Variants in TRIO observed in about 807,000 individuals in gnomAD.
The protein encoded by TRIO is trio Rho guanine nucleotide exchange factor.
TRIO carries 58 observed loss-of-function variants against 351.9 expected under a neutral mutation model. The ratio of observed to expected loss-of-function variants is 0.16; its 90% CI spans 0.13 to 0.21. The LOEUF is 0.21. TRIO is among the 10% of genes least tolerant of loss of function. TRIO has a pLI of 1.00. For missense variants in TRIO, 3,201 were observed against 4,027.8 expected, an observed-to-expected ratio of 0.79 and a Z score of 5.56; for synonymous variants, 1,758 against 1,595.7, an observed-to-expected ratio of 1.10 and a Z score of -2.42.
chr5:14,147,888 A>C (rs185464066), intron 1 of TRIO, among the ~76,000 whole-genome samples: 3 of 152,224 alleles, frequency 2.0e-5, no homozygotes, highest in Non-Finnish European at 4.4e-5. Context: ...GTTACCCTCA[A>C]TATTTCAAAA....
intron 1 of TRIO, among the ~76,000 whole-genome samples, chr5:14,175,487 A>G (rs188378454): frequency 8.5e-5 from 13 of 152,288 alleles, no homozygotes; most frequent in Non-Finnish European, 1.6e-4. Context: ...CTTTGGAGCT[A>G]AAGATTCTAG....
chr5:14,468,325 G>C (rs1286576168), intron 37 of TRIO, among the ~76,000 whole-genome samples: 1 of 152,250 alleles, frequency 6.6e-6, no homozygotes, highest in Non-Finnish European at 1.5e-5. Flanking sequence ...AGATAGACTT[G>C]GGTTCACAGT....
intron 34 of TRIO, among the ~76,000 whole-genome samples, chr5:14,432,201 TATC>T (rs753477634): frequency 2.7e-4 from 41 of 152,282 alleles, no homozygotes; most frequent in Admixed American, 7.2e-4. Context: ...CATACACCAT[TATC>T]ATCCCCATTT....
At chr5:14,290,328 C>A (rs1581539910) in intron 4 of TRIO, among the ~76,000 whole-genome samples, 1 of 152,346 alleles carries the variant, frequency 6.6e-6, no homozygotes, top group East Asian at 1.9e-4. Context: ...GAGAAGAATG[C>A]ATTGATGTAA....
Position 14,487,110 on chromosome 5 carries a change from C to G in TRIO, c.6836-354C>G, listed in dbSNP as rs1031967099. 5.9e-5 allele frequency among the ~76,000 whole-genome samples: 9 copies of G among 152,090 alleles called. No individual in the cohort carries two copies. In the East Asian group the frequency reaches 1.5e-3, roughly 26 times the overall value. ...TCTATGAAACCGCCTCCACGGCAGC[C>G]CCAGGGTTTCTTTTTCACCCCAGGA... On this transcript the variant is annotated intron_variant, in intron 47 of 56. Transcript: ENST00000344204.
intron 10 of TRIO, among the ~76,000 whole-genome samples, chr5:14,331,513 A>G (rs1027013695): frequency 6.6e-6 from 1 of 152,168 alleles, no homozygotes; most frequent in African/African-American, 2.4e-5. Flanking sequence ...GAAGTGGTGA[A>G]ATGTTATGGT....
intron 1 of TRIO, among the ~76,000 whole-genome samples, chr5:14,166,653 C>G (rs1222775160): frequency 2.6e-5 from 4 of 152,158 alleles, no homozygotes; most frequent in African/African-American, 9.7e-5. Flanking sequence ...AAAGCAAGAA[C>G]AAGCGCTTGC....
chr5:14,381,065 C>T lies in TRIO; in HGVS notation c.3448-65C>T, dbSNP rs247137. 428,446 of 1,542,610 alleles carry T rather than the reference C, an allele frequency of 0.28. 60,791 individuals carry two copies. Among genetic ancestry groups the T allele is most frequent in the Middle Eastern group, 0.35 (2,024 of 5,726 alleles). ...TGATTTGACCTTTAAATGAGGTGCT[C>T]GGGGCTTTGGGCTCCTCTCAGGAAT... On this transcript the variant is annotated intron_variant, in intron 20 of 56. Transcript: ENST00000344204.
chr5:14,398,117 G>A (rs1205897496), intron 29 of TRIO, among the ~76,000 whole-genome samples: 1 of 152,154 alleles, frequency 6.6e-6, no homozygotes, highest in Non-Finnish European at 1.5e-5. Context: ...GCTGGGGGAT[G>A]GAGTGCTTAT....
chr5:14,435,322 C>T (rs74792157), intron 34 of TRIO, among the ~76,000 whole-genome samples: 3,620 of 152,282 alleles, frequency 0.024, 118 homozygotes, highest in African/African-American at 0.074. Context: ...AGCTCCTCCC[C>T]GCTGCAAAGG....
chr5:14,488,703 A>AT, intron 48 of TRIO: 1 of 563,020 alleles, frequency 1.8e-6, no homozygotes, highest in Non-Finnish European at 3.2e-6. Flanking sequence ...TCTTTGCGGC[A>AT]TTTTTGACTC....
Position 14,508,215 on chromosome 5 carries a change from C to A in TRIO, c.9087C>A (p.Phe3029Leu). 6.2e-7 allele frequency: 1 copy of A among 1,614,126 alleles called. No individual in the cohort carries two copies. Among genetic ancestry groups the A allele is most frequent in the Non-Finnish European group, 8.5e-7 (1 of 1,180,046 alleles). The change falls in exon 57 of 57, where the codon TTC becomes TTA. Residue 3029 changes from phenylalanine to leucine, a missense_variant. By Grantham distance (22) the Phe-to-Leu change is conservative. This residue lies in a region of TRIO where 233 missense variants were observed against 292.6 expected (regional missense o/e 0.80). Transcript: ENST00000344204. ...VSQKAKEFVC[F>L]LLQEDPAKRP... ...AGAAGGCCAAGGAGTTCGTGTGCTT[C>A]CTCCTGCAGGAGGACCCCGCCAAGC...
At chr5:14,364,374 A>G (rs1744414594) in intron 14 of TRIO, among the ~76,000 whole-genome samples, 2 of 150,036 alleles carry the variant, frequency 1.3e-5, no homozygotes, top group South Asian at 4.2e-4. Flanking sequence ...AATGAGGATA[A>G]CAACAAAAAA....
At chr5:14,261,476 A>G (rs1441327915) in intron 1 of TRIO, among the ~76,000 whole-genome samples, 1 of 152,240 alleles carries the variant, frequency 6.6e-6, no homozygotes, top group African/African-American at 2.4e-5. Flanking sequence ...GTGGGCTAAC[A>G]TTCAGAAGAA....
intron 33 of TRIO, among the ~76,000 whole-genome samples, chr5:14,410,370 C>G (rs1749096321): frequency 6.6e-6 from 1 of 152,176 alleles, no homozygotes; most frequent in Non-Finnish European, 1.5e-5. Flanking sequence ...TTAGATGACT[C>G]AAGAACACAT....
At chr5:14,418,936 G>A (rs1235734007) in intron 33 of TRIO, 2 of 152,512 alleles carry the variant, frequency 1.3e-5, no homozygotes, top group East Asian at 1.9e-4. Context: ...GTCATGAGAA[G>A]ACCATGCACT....
At chr5:14,311,510 C>A (rs149669668) in intron 8 of TRIO, among the ~76,000 whole-genome samples, 3 of 152,202 alleles carry the variant, frequency 2.0e-5, no homozygotes, top group African/African-American at 7.2e-5. Context: ...TTGACCTGCA[C>A]TGTTGGTAGG....
intron 1 of TRIO, among the ~76,000 whole-genome samples, chr5:14,239,698 C>A (rs1183860640): frequency 6.6e-6 from 1 of 152,196 alleles, no homozygotes; most frequent in African/African-American, 2.4e-5. Context: ...CACATTCTTT[C>A]CACTATTGTC....
rs1211527224 is a variant in TRIO at position 14,370,569 on chromosome 5, C to T, written c.3216+1046C>T. On this transcript the variant is annotated intron_variant, in intron 18 of 56. Coordinates refer to ENST00000344204, the MANE Select transcript of TRIO (RefSeq NM_007118.4). Reference sequence around the variant, plus strand: ...ACTTTCTGTGTTTTTTTCTGAAGTCCGTCATCTGACAGAGTTATTGTTTAG... The same window carrying T: ...ACTTTCTGTGTTTTTTTCTGAAGTCTGTCATCTGACAGAGTTATTGTTTAG... Among the ~76,000 whole-genome samples the T allele has an allele frequency of 2.6e-5, 4 of 152,174 alleles. 1 individual carries two copies. Among genetic ancestry groups the T allele is most frequent in the South Asian group, 4.2e-4 (2 of 4,816 alleles).
Sources: allele counts gnomAD v4.1 joint callset (sites outside exome capture counted in the v4.1 genomes callset), GRCh38; gene constraint gnomAD v4.1.1; regional missense constraint gnomAD v4.1.1; transcripts MANE v1.5; gene names NCBI Gene and HGNC (gene_info 2026-07-23, HGNC 2026-07-21).